The following AP1AR variants were observed in gnomAD, a reference collection of about 807,000 sequenced individuals.
AP1AR encodes the protein adaptor related protein complex 1 associated regulatory protein, also known as AP-1 complex-associated regulatory protein.
A neutral mutation model predicts 46.3 loss-of-function variants in AP1AR; 29 were observed. The observed-to-expected ratio is 0.63, with a 90% CI of 0.47 to 0.85. The LOEUF (loss-of-function observed/expected upper bound fraction) is 0.85, where lower values mean the gene tolerates loss of function less well. AP1AR is among the 40% of genes least tolerant of loss of function. The pLI is 0.00. For missense variants in AP1AR, 357 were observed against 356.3 expected, an observed-to-expected ratio of 1.00 and a Z score of -0.02; for synonymous variants, 122 against 122.9, an observed-to-expected ratio of 0.99 and a Z score of 0.05.
At chr4:112,252,052 G>A (rs925050108) in intron 1 of AP1AR, among the ~76,000 whole-genome samples, 1 of 152,102 alleles carries the variant, frequency 6.6e-6, no homozygotes, top group African/African-American at 2.4e-5. Context: ...CGACCAGGCT[G>A]GGTAACATTG....
intron 1 of AP1AR, among the ~76,000 whole-genome samples, chr4:112,240,112 C>G (rs1269335827): frequency 6.6e-6 from 1 of 152,198 alleles, no homozygotes; most frequent in African/African-American, 2.4e-5. Flanking sequence ...AGTGGCTTAC[C>G]AAACTTGTAG....
intron 1 of AP1AR, among the ~76,000 whole-genome samples, chr4:112,234,568 C>G (rs1725159606): frequency 6.6e-6 from 1 of 151,916 alleles, no homozygotes; most frequent in South Asian, 2.1e-4. Flanking sequence ...TGTTTAACAT[C>G]AATTTTAATA....
intron 1 of AP1AR, 109 bp from the exon 2 acceptor site, chr4:112,253,099 G>T: frequency 1.4e-6 from 1 of 737,942 alleles, no homozygotes. Context: ...ATAACTATAT[G>T]TTAGAGATTT....
intron 4 of AP1AR, among the ~76,000 whole-genome samples, chr4:112,258,029 TTA>T (rs1726280570): frequency 6.6e-6 from 1 of 152,170 alleles, no homozygotes; most frequent in Non-Finnish European, 1.5e-5. Flanking sequence ...GTTGTACCTG[TTA>T]TATGTTTTTT....
chr4:112,239,512 G>T (rs1004890671), intron 1 of AP1AR, among the ~76,000 whole-genome samples: 2 of 152,148 alleles, frequency 1.3e-5, no homozygotes, highest in Non-Finnish European at 2.9e-5. Context: ...AGAGTGACAT[G>T]CATATAGCTG....
intron 3 of AP1AR, among the ~76,000 whole-genome samples, chr4:112,255,162 T>C (rs1268995577): frequency 2.6e-5 from 4 of 152,108 alleles, no homozygotes; most frequent in African/African-American, 7.2e-5. Context: ...GGTTTCACCA[T>C]GTTAGCCAGG....
In AP1AR at chr4:112,245,777, ATGTT is replaced by A. The variant is rs1203958453; in HGVS notation, c.84-7429_84-7426del. Among the ~76,000 whole-genome samples, 27 of 152,258 alleles carry A rather than the reference ATGTT, an allele frequency of 1.8e-4. 5 individuals are homozygous for A. Among genetic ancestry groups the A allele is most frequent in the African/African-American group, 6.5e-4 (27 of 41,550 alleles). On this transcript the variant is annotated intron_variant, in intron 1 of 9. Coordinates refer to ENST00000274000, the MANE Select transcript of AP1AR (RefSeq NM_018569.6). ...CTCTCCATTATATTAATAGCTTGTT[ATGTT>A]TTGGGTTTTGTAGCATATGTAGTTG...
At chr4:112,240,342 C>A (rs763428931) in intron 1 of AP1AR, among the ~76,000 whole-genome samples, 25 of 152,218 alleles carry the variant, frequency 1.6e-4, no homozygotes, top group Non-Finnish European at 1.3e-4. Flanking sequence ...AAACCATCTC[C>A]TACCCTCCAG....
chr4:112,242,161 T>A (rs1560602951), intron 1 of AP1AR, among the ~76,000 whole-genome samples: 1 of 152,248 alleles, frequency 6.6e-6, no homozygotes, highest in Admixed American at 6.5e-5. Flanking sequence ...CATAAAATAC[T>A]GCATTTTAAG....
intron 4 of AP1AR, among the ~76,000 whole-genome samples, chr4:112,258,842 T>G (rs777169595): frequency 1.3e-5 from 2 of 152,198 alleles, no homozygotes; most frequent in Non-Finnish European, 2.9e-5. Flanking sequence ...AGAAAAAATT[T>G]TAAAGCCCTA....
rs2110494249 is a variant in AP1AR, at chr4:112,265,892, C to CT, written c.514+88dup. On this transcript the variant is annotated intron_variant, in intron 8 of 9. Coordinates refer to ENST00000274000, the MANE Select transcript of AP1AR (RefSeq NM_018569.6). ...TTCTGGCTCTGTTTCTGTAGAAGAA[C>CT]TTTCTGTTCTTAAATTTGTAATTCC... 3 of 813,398 alleles carry CT rather than the reference C, an allele frequency of 3.7e-6. No individual in the cohort carries two copies. In the South Asian group the frequency reaches 5.7e-5, roughly 15 times the overall value. The allele number at this position is 813,398 out of a possible 1,614,324, so 50.4% of individuals were successfully genotyped here.
Position 112,257,799 on chromosome 4 carries a change from T to A in AP1AR, c.185+2T>A. ...GGAGAGCCCAGGAAGCAGTCATAGG[T>A]AAGGCTTTGTTAAAAAAAAAAAACA... is the stretch of plus-strand genomic sequence containing the variant. On this transcript the variant is annotated splice_donor_variant, in intron 4 of 9. Transcript: ENST00000274000. LOFTEE classifies it high-confidence loss of function. The A allele has an allele frequency of 6.4e-7, 1 of 1,552,512 alleles. No individual in the cohort carries two copies. The highest frequency in any genetic ancestry group is 1.4e-5 in the African/African-American group (1 of 71,172).
intron 1 of AP1AR, among the ~76,000 whole-genome samples, chr4:112,245,907 G>A (rs1480221518): frequency 6.6e-6 from 1 of 151,980 alleles, no homozygotes; most frequent in Non-Finnish European, 1.5e-5. Context: ...GTCAGCTTTT[G>A]TAATAGATAT....
chr4:112,247,533 A>G (rs184967458), intron 1 of AP1AR, among the ~76,000 whole-genome samples: 1 of 152,204 alleles, frequency 6.6e-6, no homozygotes, highest in East Asian at 1.9e-4. Flanking sequence ...AATCCATCCT[A>G]ATTGTTCAGG....
At chr4:112,260,184 G>A (rs1472114401) in intron 4 of AP1AR, among the ~76,000 whole-genome samples, 1 of 152,152 alleles carries the variant, frequency 6.6e-6, no homozygotes, top group African/African-American at 2.4e-5. Flanking sequence ...AATGATAGGA[G>A]TGTAAGAAGG....
intron 1 of AP1AR, among the ~76,000 whole-genome samples, chr4:112,235,469 A>G (rs1023992546): frequency 6.6e-6 from 1 of 152,190 alleles, no homozygotes; most frequent in Admixed American, 6.5e-5. Context: ...GCAATAGTTC[A>G]CAGTGATTTG....
intron 1 of AP1AR, among the ~76,000 whole-genome samples, chr4:112,244,798 G>A (rs1471334298): frequency 1.3e-5 from 2 of 152,120 alleles, no homozygotes; most frequent in Non-Finnish European, 2.9e-5. Flanking sequence ...TCTCTGGTCT[G>A]TATAAACTTG....
chr4:112,237,705 T>C (rs543638027), intron 1 of AP1AR, among the ~76,000 whole-genome samples: 3 of 151,478 alleles, frequency 2.0e-5, no homozygotes, highest in Admixed American at 2.0e-4. Context: ...GTGATCTGCA[T>C]ACCTCAGCCT....
chr4:112,254,223 A>G (rs1726085594), intron 2 of AP1AR, among the ~76,000 whole-genome samples: 1 of 152,226 alleles, frequency 6.6e-6, no homozygotes, highest in East Asian at 1.9e-4. Context: ...AACTGTTTAC[A>G]TTCCTATCTC....
Sources: allele counts gnomAD v4.1 joint callset (sites outside exome capture counted in the v4.1 genomes callset), GRCh38; gene constraint gnomAD v4.1.1; transcripts MANE v1.5; gene names NCBI Gene and HGNC (gene_info 2026-07-23, HGNC 2026-07-21).